SNAPC4: variants seen among roughly 807,000 people sequenced by gnomAD.
The protein encoded by SNAPC4 is snRNA-activating protein complex subunit 4.
A neutral mutation model predicts 151.3 loss-of-function variants in SNAPC4; 127 were observed. That is an observed-to-expected ratio of 0.84 (90% CI 0.73 to 0.97). The LOEUF (loss-of-function observed/expected upper bound fraction) is 0.97. SNAPC4 is among the 50% of genes least tolerant of loss of function. The pLI, the probability that SNAPC4 is intolerant of heterozygous loss-of-function variation, is 0.00. For missense variants in SNAPC4, 2,186 were observed against 1,935.0 expected (o/e 1.13, Z -2.43); for synonymous variants, 1,002 against 824.4 (o/e 1.22, Z -3.69).
At chr9:136,390,683 A>C (rs1834039516) in intron 10 of SNAPC4, among the ~76,000 whole-genome samples, 1 of 151,836 alleles carries the variant, frequency 6.6e-6, no homozygotes, top group Non-Finnish European at 1.5e-5. Flanking sequence ...CTACGGAACC[A>C]AACTGCACAT....
chr9:136,394,074 C>A (rs1237754936), intron 7 of SNAPC4, among the ~76,000 whole-genome samples, 175 bp downstream of exon 7: 4 of 152,224 alleles, frequency 2.6e-5, no homozygotes, highest in African/African-American at 9.6e-5. Context: ...TGCACCACCA[C>A]ACCCAGCTAA....
At chr9:136,399,444 G>A (rs901508334) in intron 1 of SNAPC4, among the ~76,000 whole-genome samples, 2 of 152,212 alleles carry the variant, frequency 1.3e-5, no homozygotes, top group African/African-American at 4.8e-5. Flanking sequence ...CAGCGCCTCC[G>A]GGCCGGCGGA....
At position 136,394,805 on chromosome 9, in the gene SNAPC4, G is replaced by A. The variant is rs1318782483; in HGVS notation, c.545C>T (p.Thr182Ile). 6.2e-7 allele frequency: 1 copy of A among 1,613,800 alleles called. No individual in the cohort carries two copies. The highest frequency in any genetic ancestry group is 2.2e-5 in the East Asian group (1 of 44,890). The stretch of plus-strand genomic sequence containing the variant: ...GGGCCGGCCAGGGCTCTTACATTTG[G>A]TCACAAGGAGCTCCTCGAAAGCCTT... ...GIKAFEELLV[T>I]KWKNWEKALL... The change falls in exon 6 of 24, where the codon ACC becomes ATC. Residue 182 changes from threonine to isoleucine, a missense_variant. Thr to Ile is a moderately conservative substitution (Grantham distance 89, BLOSUM62 -1). Coordinates refer to ENST00000684778, the MANE Select transcript of SNAPC4 (RefSeq NM_003086.4).
chr9:136,397,311 G>C (rs557049852), intron 2 of SNAPC4, among the ~76,000 whole-genome samples: 3 of 152,072 alleles, frequency 2.0e-5, no homozygotes, highest in East Asian at 3.9e-4. Context: ...TTACTGGAGA[G>C]ACAGGGAAAG....
chr9:136,395,599 C>T lies in SNAPC4; in HGVS notation c.345+4G>A, dbSNP rs758101765. 1 of 1,608,214 alleles carries T rather than the reference C, an allele frequency of 6.2e-7. No individual in the cohort carries two copies. Among genetic ancestry groups the T allele is most frequent in the Non-Finnish European group, 8.5e-7 (1 of 1,176,908 alleles). ...GGGCACCGGGGGGCCGAGGCCCATC[C>T]CACCTGCTGCTCCCGGTTCTGGGCC... On this transcript the variant is annotated splice_donor_region_variant and intron_variant, in intron 4 of 23. Coordinates refer to ENST00000684778, the MANE Select transcript of SNAPC4 (RefSeq NM_003086.4).
chr9:136,377,525 G>A lies in SNAPC4; in HGVS notation c.4284+18C>T. On this transcript the variant is annotated intron_variant, in intron 22 of 23. Transcript: ENST00000684778. ...CCGCCGCCTGCCATGGGGAAGTGGG[G>A]CTGGGCGCCCACCCTACCTGAATGG... The A allele has an allele frequency of 1.3e-6, 2 of 1,502,150 alleles. No homozygotes were observed. Among genetic ancestry groups the A allele is most frequent in the Non-Finnish European group, 1.8e-6 (2 of 1,125,308 alleles). The allele number at this position is 1,502,150 out of a possible 1,614,324, so 93.1% of individuals were successfully genotyped here.
chr9:136,399,878 C>T (rs1456804592), intron 1 of SNAPC4, among the ~76,000 whole-genome samples: 4 of 152,174 alleles, frequency 2.6e-5, no homozygotes, highest in East Asian at 3.9e-4. Flanking sequence ...GCCCTGCAGC[C>T]GGGGCCGCCC....
chr9:136,392,557 C>T lies in SNAPC4; in HGVS notation c.775G>A (p.Asp259Asn). ...GAAATCTTCTCCCAGTCGTGGCTGT[C>T]CAGCCTGTTTCCCAGCAAGGCCTCT... ...PEEALLGNRL[D>N]SHDWEKISNI... Residue 259 changes from aspartate to asparagine, a missense_variant, in exon 9 of 24, where the codon GAC becomes AAC. By Grantham distance (23) the Asp-to-Asn change is conservative. Coordinates refer to ENST00000684778, the MANE Select transcript of SNAPC4 (RefSeq NM_003086.4). 1.2e-6 allele frequency: 2 copies of T among 1,613,880 alleles called. No homozygotes were observed. The highest frequency in any genetic ancestry group is 2.2e-5 in the East Asian group (1 of 44,872).
chr9:136,377,243 CAG>C, intron 22 of SNAPC4, among the ~76,000 whole-genome samples: 1 of 152,334 alleles, frequency 6.6e-6, no homozygotes, highest in East Asian at 1.9e-4. Context: ...GCGTCCATCC[CAG>C]AGCTTCTCGC....
chr9:136,395,940 A>G (rs1382337803), intron 3 of SNAPC4, among the ~76,000 whole-genome samples, 170 bp from the exon 4 acceptor site: 2 of 152,186 alleles, frequency 1.3e-5, no homozygotes, highest in Non-Finnish European at 2.9e-5. Flanking sequence ...AGGGCGTCTG[A>G]GTTTGGGAGT....
At chr9:136,381,494 T>C in intron 18 of SNAPC4, 102 bp from the exon 19 acceptor site, 1 of 1,098,894 alleles carries the variant, frequency 9.1e-7, no homozygotes, top group South Asian at 1.3e-5. Context: ...TCGAGGCGGC[T>C]CTGGGAGCCA....
chr9:136,388,223 T>G (rs1367158838), intron 11 of SNAPC4, among the ~76,000 whole-genome samples: 1 of 144,278 alleles, frequency 6.9e-6, no homozygotes, highest in Non-Finnish European at 1.5e-5. Context: ...GCCAAGATCA[T>G]GGCGTTGCAC....
rs375036864 is a variant in SNAPC4, at chr9:136,397,445, G to C, written c.131-422C>G. ...TCAGAGGCAGGCCCTGGGTCTGGGA[G>C]AGGTGGGAAGCAAGGCTGGGGGGGT... On this transcript the variant is annotated intron_variant, in intron 2 of 23. Transcript: ENST00000684778. Among the ~76,000 whole-genome samples, 45 of 146,968 alleles carry C rather than the reference G, an allele frequency of 3.1e-4. No homozygotes were observed. The East Asian group carries it at 5.4e-3, about 18-fold the overall frequency.
chr9:136,386,434 A>ATT (rs1022722686), intron 13 of SNAPC4, among the ~76,000 whole-genome samples: 53 of 128,930 alleles, frequency 4.1e-4, no homozygotes, highest in African/African-American at 8.7e-4. Flanking sequence ...TCTACACTTC[A>ATT]TTTTTTTTTT....
intron 6 of SNAPC4, 121 bp downstream of exon 6, chr9:136,394,679 G>T: frequency 1.2e-6 from 1 of 865,972 alleles, no homozygotes; most frequent in Non-Finnish European, 1.9e-6. Context: ...GTCAAGGCCT[G>T]AAGGAGCCAT....
Position 136,377,825 on chromosome 9 carries a change from C to T in SNAPC4, c.4002G>A (p.Gly1334=), listed in dbSNP as rs1588735598. The T allele has an allele frequency of 6.2e-7, 1 of 1,611,498 alleles. No homozygotes were observed. Among genetic ancestry groups the T allele is most frequent in the Non-Finnish European group, 8.5e-7 (1 of 1,179,758 alleles). ...LEHKATSLVV[G]GEAERPAGAL... ...CTCCGGCCGGCCGCTCAGCCTCGCC[C>T]CCCACCACCAGGGAGGTGGCCTTGT... The change falls in exon 22 of 24, where the codon GGG becomes GGA. Residue 1334 remains glycine (G), a synonymous_variant. Transcript: ENST00000684778.
chr9:136,394,938 C>A, intron 5 of SNAPC4, 60 bp from the exon 6 acceptor site: 1 of 1,471,288 alleles, frequency 6.8e-7, no homozygotes, highest in Non-Finnish European at 9.4e-7. Context: ...GCAGGCCCAG[C>A]ACATCCCTCC....
intron 5 of SNAPC4, 135 bp from the exon 6 acceptor site, chr9:136,395,013 G>A (rs1252247203): frequency 1.1e-5 from 9 of 840,556 alleles, no homozygotes; most frequent in Non-Finnish European, 1.3e-5. Flanking sequence ...GGCTGTGGGG[G>A]TGCAACCCTG....
Position 136,395,323 on chromosome 9 carries a change from T to C in SNAPC4, c.446A>G (p.Tyr149Cys), listed in dbSNP as rs1028438232. 6.2e-7 allele frequency: 1 copy of C among 1,613,486 alleles called. No individual in the cohort carries two copies. The highest frequency in any genetic ancestry group is 1.3e-5 in the African/African-American group (1 of 74,946). ...CACGCCCGTGACCTTGTCCTTGAAA[T>C]ACGGCTTCATGAAGTGCCCCATGTA... ...STYMGHFMKPYFKDKVTGVGP... is the reference protein window; with the variant it reads ...STYMGHFMKPCFKDKVTGVGP... Residue 149 changes from tyrosine (Y) to cysteine (C), a missense_variant, in exon 5 of 24, where the codon TAT (tyrosine) becomes TGT (cysteine). Transcript: ENST00000684778.
Sources: gnomAD v4.1 joint callset for allele counts (sites outside exome capture counted in the v4.1 genomes callset) on GRCh38, gnomAD v4.1.1 for gene constraint, MANE v1.5 for transcripts, NCBI Gene and HGNC (gene_info 2026-07-23, HGNC 2026-07-21) for gene names.